DCHS2: variants seen among roughly 807,000 people sequenced by gnomAD.
DCHS2 encodes the protein protocadherin-23.
A neutral mutation model predicts 182.4 loss-of-function variants in DCHS2; 142 were observed. The ratio of observed to expected loss-of-function variants is 0.78; its 90% CI spans 0.68 to 0.89. DCHS2 has a LOEUF of 0.89. DCHS2 is among the 40% of genes least tolerant of loss of function. The pLI is 0.00. For missense variants in DCHS2, 4,319 were observed against 4,198.6 expected, an observed-to-expected ratio of 1.03 and a Z score of -0.79; for synonymous variants, 1,740 against 1,663.3, an observed-to-expected ratio of 1.05 and a Z score of -1.12.
chr4:154,404,911 C>T (rs1384259142), intron 1 of DCHS2, among the ~76,000 whole-genome samples: 1 of 152,170 alleles, frequency 6.6e-6, no homozygotes, highest in Non-Finnish European at 1.5e-5. Flanking sequence ...GTTTCCCCTA[C>T]CTTCACTCAC....
At chr4:154,417,053 C>CT (rs1388370583) in intron 1 of DCHS2, among the ~76,000 whole-genome samples, 2 of 152,122 alleles carry the variant, frequency 1.3e-5, no homozygotes, top group Non-Finnish European at 2.9e-5. Flanking sequence ...GCAACTACAA[C>CT]CACAGGATCG....
chr4:154,290,298 C>A (rs181813813), intron 13 of DCHS2, among the ~76,000 whole-genome samples: 2 of 151,958 alleles, frequency 1.3e-5, no homozygotes, highest in Admixed American at 1.3e-4. Context: ...GAGGAGGCTT[C>A]ACAAAAAAGG....
chr4:154,353,120 A>C (rs1308757438), intron 3 of DCHS2, among the ~76,000 whole-genome samples: 1 of 152,210 alleles, frequency 6.6e-6, no homozygotes, highest in Non-Finnish European at 1.5e-5. Flanking sequence ...CTGAACTCAC[A>C]ATATAGGATG....
At chr4:154,465,588 G>A (rs1240493107) in intron 1 of DCHS2, among the ~76,000 whole-genome samples, 1 of 151,814 alleles carries the variant, frequency 6.6e-6, no homozygotes, top group African/African-American at 2.4e-5. Context: ...AGAATTGTTT[G>A]AACCTATGAG....
At chr4:154,442,538 C>CCA (rs1734076064) in intron 1 of DCHS2, among the ~76,000 whole-genome samples, 1 of 85,424 alleles carries the variant, frequency 1.2e-5, no homozygotes, top group Non-Finnish European at 2.6e-5. Flanking sequence ...CACCCCCCCC[C>CCA]CCCCACACAC....
chr4:154,466,681 G>A (rs550085346), intron 1 of DCHS2, among the ~76,000 whole-genome samples: 31 of 152,262 alleles, frequency 2.0e-4, no homozygotes, highest in African/African-American at 7.0e-4. Flanking sequence ...AGCTCTAAAA[G>A]CTGAACTATT....
At chr4:154,423,352 T>C (rs7683567) in intron 1 of DCHS2, among the ~76,000 whole-genome samples, 137,633 of 152,238 alleles carry the variant, frequency 0.9, 63,818 homozygotes, top group East Asian at 1. Flanking sequence ...ATGTTTTCAA[T>C]GTTTATCCAT....
intron 1 of DCHS2, among the ~76,000 whole-genome samples, chr4:154,390,787 T>C (rs1731662587): frequency 6.6e-6 from 1 of 151,994 alleles, no homozygotes; most frequent in South Asian, 2.1e-4. Context: ...CTATTCTTCA[T>C]CACCAAACAA....
chr4:154,241,970 G>A (rs1048732781), intron 17 of DCHS2, among the ~76,000 whole-genome samples: 2 of 152,108 alleles, frequency 1.3e-5, no homozygotes, highest in African/African-American at 4.8e-5. Context: ...GTCGTATTAC[G>A]AGTGAAGTAG....
intron 1 of DCHS2, among the ~76,000 whole-genome samples, chr4:154,461,579 AC>A (rs1414642720): frequency 6.6e-6 from 1 of 152,234 alleles, no homozygotes; most frequent in Non-Finnish European, 1.5e-5. Context: ...TAGTATAATG[AC>A]AGATCATAAC....
chr4:154,265,542 GC>G (rs1413136140), intron 14 of DCHS2, among the ~76,000 whole-genome samples: 3 of 152,158 alleles, frequency 2.0e-5, no homozygotes, highest in Non-Finnish European at 4.4e-5. Flanking sequence ...ACTTCAGGAG[GC>G]CAAGGCAAGG....
Position 154,233,730 on chromosome 4 carries a change from T to C in DCHS2, c.*806A>G, listed in dbSNP as rs2111072560. 1 of 152,250 alleles carries C rather than the reference T, an allele frequency of 6.6e-6. No individual in the cohort carries two copies. The highest frequency in any genetic ancestry group is 2.1e-4 in the South Asian group (1 of 4,818). The allele number at this position is 152,250 out of a possible 1,614,324, so 9.4% of individuals were successfully genotyped here. On this transcript the variant is annotated 3_prime_UTR_variant, in exon 20 of 20. Coordinates refer to ENST00000357232, the MANE Select transcript of DCHS2 (RefSeq NM_001358235.2). ...AAGACAAGACCTGAAAAAAAAGCCA[T>C]TCTGTTTGTAAAGAAGGCCAAGATA...
At chr4:154,391,346 G>A (rs1446541721) in intron 1 of DCHS2, 1 of 1,545,286 alleles carries the variant, frequency 6.5e-7, no homozygotes. Flanking sequence ...CATGTCTCTG[G>A]CATGAACCCT....
intron 16 of DCHS2, among the ~76,000 whole-genome samples, chr4:154,249,437 AGT>A (rs1732242877): frequency 6.6e-6 from 1 of 152,126 alleles, no homozygotes; most frequent in Admixed American, 6.6e-5. Context: ...TGCTAGTGAG[AGT>A]GTGAAGAAAA....
At chr4:154,417,437 A>G (rs768381235) in intron 1 of DCHS2, among the ~76,000 whole-genome samples, 13 of 152,152 alleles carry the variant, frequency 8.5e-5, no homozygotes, top group Non-Finnish European at 1.6e-4. Context: ...TGTTTTAATT[A>G]ACTCCCTCAG....
intron 1 of DCHS2, among the ~76,000 whole-genome samples, chr4:154,388,540 G>A (rs1172735332): frequency 6.9e-6 from 1 of 144,758 alleles, no homozygotes; most frequent in Non-Finnish European, 1.5e-5. Flanking sequence ...TGTCGCCCAG[G>A]CTGCAGTGCA....
chr4:154,490,563 G>T lies in DCHS2; in HGVS notation c.793C>A (p.Gln265Lys), dbSNP rs760156780. 2.8e-5 allele frequency: 43 copies of T among 1,542,068 alleles called. No homozygotes were observed. The South Asian group carries it at 5.0e-4, about 18-fold the overall frequency. ...CGGCCGCCGTCCCATGCCTCGATCT[G>T]CAGCCGGTGCGCCGCCGCCTCCTCT... is the stretch of plus-strand genomic sequence containing the variant. ...DREEAAAHRL[Q>K]IEAWDGGRPR... is the part of the protein sequence containing the mutation. Residue 265 changes from glutamine (Q) to lysine (K), a missense_variant, in exon 1 of 20, where the codon CAG becomes AAG. Physicochemically the swap from Gln to Lys is moderately conservative, Grantham distance 53. Coordinates refer to ENST00000357232, the MANE Select transcript of DCHS2 (RefSeq NM_001358235.2).
At chr4:154,397,410 A>G (rs1731976971) in intron 1 of DCHS2, among the ~76,000 whole-genome samples, 1 of 152,194 alleles carries the variant, frequency 6.6e-6, no homozygotes, top group Non-Finnish European at 1.5e-5. Context: ...TTGAAAAGAG[A>G]GCCCATTTGT....
chr4:154,413,343 ACAC>A (rs950998187), intron 1 of DCHS2, among the ~76,000 whole-genome samples: 4 of 151,888 alleles, frequency 2.6e-5, no homozygotes, highest in Non-Finnish European at 5.9e-5. Context: ...GTGTAGATGA[ACAC>A]CACTTTTTGT....
Sources: allele counts gnomAD v4.1 joint callset (sites outside exome capture counted in the v4.1 genomes callset), GRCh38; gene constraint gnomAD v4.1.1; transcripts MANE v1.5; gene names NCBI Gene and HGNC (gene_info 2026-07-23, HGNC 2026-07-21).